ITPR1: variants seen among roughly 807,000 people sequenced by gnomAD.
The protein encoded by ITPR1 is inositol 1,4,5-trisphosphate receptor type 1, also known as inositol 1,4,5-trisphosphate-gated calcium channel ITPR1.
Under a neutral mutation model 318.4 loss-of-function variants are expected in ITPR1, and 96 were observed. The ratio of observed to expected loss-of-function variants is 0.30; its 90% CI spans 0.26 to 0.36. ITPR1 has a LOEUF of 0.36. ITPR1 is among the 10% of genes least tolerant of loss of function. The pLI, the probability that ITPR1 is intolerant of heterozygous loss-of-function variation, is 1.00. For synonymous variants in ITPR1, 1,312 were observed against 1,289.9 expected, an observed-to-expected ratio of 1.02 and a Z score of -0.37; for missense variants, 2,440 against 3,460.2, an observed-to-expected ratio of 0.71 and a Z score of 7.40.
chr3:4,826,149 G>A lies in ITPR1; in HGVS notation c.8028+7907G>A, dbSNP rs889660938. Among the ~76,000 whole-genome samples, 7 of 152,254 alleles carry A rather than the reference G, an allele frequency of 4.6e-5. No homozygotes were observed. Among genetic ancestry groups the A allele is most frequent in the Non-Finnish European group, 8.8e-5 (6 of 68,052 alleles). ...AGCTCCTGGCTGTTGATAAAGTGCCGTGGACACCTTCTGCTTCGTGCAGAT... is the reference window on the plus strand; with the variant it reads ...AGCTCCTGGCTGTTGATAAAGTGCCATGGACACCTTCTGCTTCGTGCAGAT... On this transcript the variant is annotated intron_variant, in intron 60 of 61. Transcript: ENST00000649015. The surrounding 1 kb of genome is among the most constrained non-coding windows in gnomAD (Gnocchi z 4.2).
At chr3:4,599,763 C>T (rs551685990) in intron 4 of ITPR1, among the ~76,000 whole-genome samples, 3 of 152,362 alleles carry the variant, frequency 2.0e-5, no homozygotes, top group African/African-American at 7.2e-5. Context: ...TTGGACTTGA[C>T]TTCCCTGATA....
intron 59 of ITPR1, among the ~76,000 whole-genome samples, chr3:4,817,800 C>T (rs574096846): frequency 1.1e-4 from 17 of 152,312 alleles, no homozygotes; most frequent in East Asian, 5.8e-4. Flanking sequence ...ACCTAGACGG[C>T]GGTCTCCCCA....
chr3:4,494,813 T>C (rs1370454977), intron 2 of ITPR1, among the ~76,000 whole-genome samples: 1 of 152,214 alleles, frequency 6.6e-6, no homozygotes, highest in Non-Finnish European at 1.5e-5. Flanking sequence ...ATGCTGATGA[T>C]TTAAATTCTG....
intron 60 of ITPR1, among the ~76,000 whole-genome samples, chr3:4,834,078 A>AGAT (rs1333879156): frequency 6.6e-6 from 1 of 152,068 alleles, no homozygotes; most frequent in African/African-American, 2.4e-5. Context: ...TTTTTTATAG[A>AGAT]GATGGAGTCT....
At chr3:4,785,557 T>C (rs1435601397) in intron 51 of ITPR1, among the ~76,000 whole-genome samples, 2 of 100,736 alleles carry the variant, frequency 2.0e-5, no homozygotes, top group Non-Finnish European at 4.4e-5. Flanking sequence ...CATGCCAGTG[T>C]ATGTGAGCAA....
At chr3:4,536,220 C>T (rs547129127) in intron 4 of ITPR1, among the ~76,000 whole-genome samples, 1 of 152,284 alleles carries the variant, frequency 6.6e-6, no homozygotes, top group South Asian at 2.1e-4. Flanking sequence ...TTTTCTTGAA[C>T]TTCTATTGTT....
intron 4 of ITPR1, among the ~76,000 whole-genome samples, chr3:4,574,042 G>A: frequency 6.6e-6 from 1 of 152,220 alleles, no homozygotes; most frequent in African/African-American, 2.4e-5. Flanking sequence ...CATGGCGACA[G>A]AGGTGCCCCA....
At chr3:4,733,342 T>C (rs2043059100) in intron 43 of ITPR1, 122 bp downstream of exon 43, 2 of 1,177,882 alleles carry the variant, frequency 1.7e-6, no homozygotes, top group Non-Finnish European at 2.4e-6. Flanking sequence ...GGTGTATTTT[T>C]TAGCAACTTG....
At chr3:4,798,943 C>T (rs2048055370) in intron 53 of ITPR1, among the ~76,000 whole-genome samples, 1 of 152,182 alleles carries the variant, frequency 6.6e-6, no homozygotes, top group Admixed American at 6.5e-5. Context: ...TGGGGCAAGG[C>T]ATCACCTGCA....
chr3:4,753,669 T>C (rs1222357361), intron 44 of ITPR1, among the ~76,000 whole-genome samples: 1 of 152,176 alleles, frequency 6.6e-6, no homozygotes, highest in East Asian at 1.9e-4. Flanking sequence ...CTTGCTTTGC[T>C]TGATGCTTTG....
chr3:4,525,525 C>T (rs958398058), intron 4 of ITPR1, among the ~76,000 whole-genome samples: 2 of 152,120 alleles, frequency 1.3e-5, no homozygotes, highest in Admixed American at 1.3e-4. Context: ...AGGTTGGCTG[C>T]ACATCTGTTT....
intron 5 of ITPR1, among the ~76,000 whole-genome samples, chr3:4,630,816 G>C (rs1021422237): frequency 6.6e-6 from 1 of 152,012 alleles, no homozygotes; most frequent in African/African-American, 2.4e-5. Flanking sequence ...TCGAACTCCT[G>C]ACCTCAAGTG....
At chr3:4,815,985 T>C (rs1329917385) in intron 59 of ITPR1, among the ~76,000 whole-genome samples, 1 of 149,576 alleles carries the variant, frequency 6.7e-6, no homozygotes, top group Non-Finnish European at 1.5e-5. Context: ...ATTTGCTTTA[T>C]ACACACACAC....
intron 4 of ITPR1, among the ~76,000 whole-genome samples, chr3:4,521,637 CCTGGGAATTCTAGACGAGT>C (rs1444366939): frequency 2.0e-5 from 3 of 152,026 alleles, no homozygotes; most frequent in Non-Finnish European, 2.9e-5. Flanking sequence ...ATTGCTAGAG[CCTGGGAATTCTAGACGAGT>C]CTGGGAATTC....
intron 53 of ITPR1, among the ~76,000 whole-genome samples, chr3:4,799,099 G>A (rs1446093972): frequency 6.6e-6 from 1 of 152,160 alleles, no homozygotes; most frequent in African/African-American, 2.4e-5. Flanking sequence ...TTAAAATATT[G>A]ATTAAGGACC....
At chr3:4,582,031 A>C (rs1046210493) in intron 4 of ITPR1, among the ~76,000 whole-genome samples, 5 of 152,208 alleles carry the variant, frequency 3.3e-5, no homozygotes, top group African/African-American at 1.2e-4. Flanking sequence ...CGCCTTTAAA[A>C]ATTTTAGCAC....
In ITPR1 at chr3:4,800,429, C is replaced by G. The variant is rs775671627; in HGVS notation, c.6936C>G (p.Thr2312=). The change falls in exon 54 of 62, where the codon ACC becomes ACG. Residue 2312 remains threonine (T), a synonymous_variant. Coordinates refer to ENST00000649015, the MANE Select transcript of ITPR1 (RefSeq NM_001378452.1). Reference sequence around the variant, plus strand: ...AACCCTGTTTTGTCCTTGCAGGAACCCTGGAGCCCCACTGGTCGGGACTCC... The same window carrying G: ...AACCCTGTTTTGTCCTTGCAGGAACGCTGGAGCCCCACTGGTCGGGACTCC... ...FYPFKGVRGG[T]LEPHWSGLLW... 1.9e-6 allele frequency: 3 copies of G among 1,613,476 alleles called. No homozygotes were observed. The highest frequency in any genetic ancestry group is 2.5e-6 in the Non-Finnish European group (3 of 1,179,720).
intron 2 of ITPR1, among the ~76,000 whole-genome samples, chr3:4,512,936 G>C (rs767133071): frequency 1.0e-5 from 1 of 97,104 alleles, no homozygotes; most frequent in African/African-American, 4.2e-5. Flanking sequence ...TGTATGTCAG[G>C]CATGGCTTGT....
chr3:4,508,556 ACAGT>A (rs2081563703), intron 2 of ITPR1, among the ~76,000 whole-genome samples: 1 of 150,302 alleles, frequency 6.7e-6, no homozygotes, highest in Admixed American at 6.7e-5. Context: ...GTTTTCTGCC[ACAGT>A]CAAATGAGTG....
Sources: gnomAD v4.1 joint callset for allele counts (sites outside exome capture counted in the v4.1 genomes callset) on GRCh38, gnomAD v4.1.1 for gene constraint, Gnocchi (gnomAD v3.1) non-coding constraint, MANE v1.5 for transcripts, NCBI Gene and HGNC (gene_info 2026-07-23, HGNC 2026-07-21) for gene names.